DPP6: variants seen among roughly 807,000 people sequenced by gnomAD.
DPP6 encodes the protein A-type potassium channel modulatory protein DPP6.
A neutral mutation model predicts 122.6 loss-of-function variants in DPP6; 69 were observed. That is an observed-to-expected ratio of 0.56 (90% confidence interval 0.46 to 0.69). The LOEUF (loss-of-function observed/expected upper bound fraction) is 0.69. DPP6 is among the 30% of genes least tolerant of loss of function. DPP6 has a pLI of 0.00. For missense variants in DPP6, 928 were observed against 1,116.9 expected (o/e 0.83, Z 2.41); for synonymous variants, 418 against 433.1 (o/e 0.97, Z 0.43).
intron 1 of DPP6, among the ~76,000 whole-genome samples, chr7:154,063,508 C>G (rs1227890708): frequency 7.7e-6 from 1 of 129,064 alleles, no homozygotes; most frequent in Admixed American, 8.0e-5. Context: ...GCTCTTAAGA[C>G]CCCCATCGCA....
Position 154,261,995 on chromosome 7 carries a change from G to A in DPP6, c.244-184219G>A, listed in dbSNP as rs79368383. Among the ~76,000 whole-genome samples the A allele has an allele frequency of 9.5e-3, 1,382 of 144,800 alleles. 29 individuals are homozygous for A. The highest frequency in any genetic ancestry group is 0.038 in the African/African-American group (1,310 of 34,882). 95.0% of individuals were successfully genotyped at this position (144,800 alleles called of 152,430 possible). ...CTGGGTGGTGGATGTAAGCAGGGAAGGAAGGAAGGAAGGGAGGGAGAGAGG... is the reference window on the plus strand; with the variant it reads ...CTGGGTGGTGGATGTAAGCAGGGAAAGAAGGAAGGAAGGGAGGGAGAGAGG... On this transcript the variant is annotated intron_variant, in intron 1 of 25. Transcript: ENST00000377770.
Position 154,279,974 on chromosome 7 carries a change from G to A in DPP6, c.244-166240G>A, listed in dbSNP as rs192374726. ...AATTACAATGCTGATATCCTATTCAGGGCTTATTAGGATATAACTTGAAGT... is the reference window on the plus strand; with the variant it reads ...AATTACAATGCTGATATCCTATTCAAGGCTTATTAGGATATAACTTGAAGT... On this transcript the variant is annotated intron_variant, in intron 1 of 25. Coordinates refer to ENST00000377770, the MANE Select transcript of DPP6 (RefSeq NM_130797.4). 1.5e-3 allele frequency among the ~76,000 whole-genome samples: 228 copies of A among 152,248 alleles called. 3 individuals carry two copies. Among genetic ancestry groups the A allele is most frequent in the African/African-American group, 5.2e-3 (215 of 41,526 alleles).
chr7:154,444,270 A>G (rs1819665399), intron 1 of DPP6, among the ~76,000 whole-genome samples: 1 of 151,948 alleles, frequency 6.6e-6, no homozygotes, highest in Admixed American at 6.6e-5. Context: ...ATTCTGGCTA[A>G]CATGGTGAAA....
chr7:154,089,339 TGCCTCAGATGGAG>T (rs71780004), intron 1 of DPP6, among the ~76,000 whole-genome samples: 28,934 of 142,328 alleles, frequency 0.2, 3,578 homozygotes, highest in African/African-American at 0.33. Flanking sequence ...AGGGCATTTC[TGCCTCAGATGGAG>T]GTAGTGAGGT....
the DPP6 span, among the ~76,000 whole-genome samples, chr7:153,843,867 C>A: frequency 6.6e-6 from 1 of 152,162 alleles, no homozygotes; most frequent in African/African-American, 2.4e-5. Flanking sequence ...TGAAGCTAGA[C>A]AACCGGTCAG....
chr7:154,864,910 T>C (rs903183894), intron 17 of DPP6, among the ~76,000 whole-genome samples: 5 of 152,210 alleles, frequency 3.3e-5, no homozygotes, highest in Admixed American at 6.5e-5. Flanking sequence ...TTCCGTTAGC[T>C]CTAGGCAAGC....
chr7:153,763,509 T>C, the DPP6 span, among the ~76,000 whole-genome samples: 1 of 151,734 alleles, frequency 6.6e-6, no homozygotes, highest in Admixed American at 6.6e-5. Context: ...AAATAGAGGG[T>C]ATCTATGAGG....
chr7:154,677,995 CAGGGAT>C (rs1563094072), intron 7 of DPP6, among the ~76,000 whole-genome samples: 1 of 152,176 alleles, frequency 6.6e-6, no homozygotes, highest in Non-Finnish European at 1.5e-5. Flanking sequence ...TTTGTAAACG[CAGGGAT>C]CAGCACTCTG....
At chr7:154,778,288 A>T (rs754642512) in intron 10 of DPP6, among the ~76,000 whole-genome samples, 49 of 151,832 alleles carry the variant, frequency 3.2e-4, no homozygotes, top group Non-Finnish European at 6.0e-4. Flanking sequence ...TATTTGACCA[A>T]CCCACGGTTT....
At chr7:154,838,674 G>A (rs553664869) in intron 16 of DPP6, 16 of 152,378 alleles carry the variant, frequency 1.1e-4, no homozygotes, top group East Asian at 9.6e-4. Flanking sequence ...CCCTAAGGAC[G>A]CACGTGCAAG....
intron 3 of DPP6, among the ~76,000 whole-genome samples, chr7:154,477,018 G>T (rs188346914): frequency 1.8e-3 from 271 of 152,082 alleles, no homozygotes; most frequent in African/African-American, 6.1e-3. Context: ...GGTCCAGGCT[G>T]CGGTTAACTG....
intron 5 of DPP6, among the ~76,000 whole-genome samples, chr7:154,627,189 CTTTTT>C (rs61163075): frequency 0.16 from 16,475 of 103,258 alleles, 1,316 homozygotes; most frequent in African/African-American, 0.27. Flanking sequence ...ATTTTTTTTC[CTTTTT>C]TTTTTTTTTT....
intron 4 of DPP6, among the ~76,000 whole-genome samples, chr7:154,550,748 CT>C (rs35197365): frequency 0.045 from 5,666 of 126,772 alleles, 91 homozygotes; most frequent in East Asian, 0.12. Flanking sequence ...AATTTTAGTT[CT>C]TTTTTTTTTT....
intron 10 of DPP6, among the ~76,000 whole-genome samples, chr7:154,781,630 C>T (rs111754978): frequency 1.3e-5 from 2 of 152,172 alleles, no homozygotes; most frequent in African/African-American, 2.4e-5. Flanking sequence ...AGTAGAGCAG[C>T]GCTTGGTATT....
At position 154,708,660 on chromosome 7, in the gene DPP6, T is replaced by TA. The variant is rs534257941; in HGVS notation, c.763-19100dup. 3.0e-4 allele frequency among the ~76,000 whole-genome samples: 45 copies of TA among 152,214 alleles called. No homozygotes were observed. In the South Asian group the frequency reaches 9.1e-3, roughly 31 times the overall value. ...TGCACACAATAGTATTTTATTACGA[T>TA]AAAAAAACCAAAAGACTGTATGTCA... On this transcript the variant is annotated intron_variant, in intron 7 of 25. Transcript: ENST00000377770.
intron 10 of DPP6, among the ~76,000 whole-genome samples, chr7:154,782,138 G>A (rs1410374069): frequency 2.0e-5 from 3 of 152,086 alleles, no homozygotes; most frequent in Non-Finnish European, 4.4e-5. Flanking sequence ...TGCACCGTCC[G>A]CACCTAGAAC....
intron 11 of DPP6, 43 bp from the exon 12 acceptor site, chr7:154,795,800 AAG>A: frequency 4.2e-6 from 3 of 708,660 alleles, no homozygotes; most frequent in Non-Finnish European, 5.3e-6. Flanking sequence ...AAAAAAAGAA[AAG>A]AAAAGAAAAA....
At chr7:153,818,834 C>T in the DPP6 span, among the ~76,000 whole-genome samples, 1 of 151,966 alleles carries the variant, frequency 6.6e-6, no homozygotes, top group Non-Finnish European at 1.5e-5. Flanking sequence ...TCACTGCAAC[C>T]TCTGCCTCCC....
chr7:154,094,803 C>T (rs1164599380), intron 1 of DPP6: 1 of 152,196 alleles, frequency 6.6e-6, no homozygotes, highest in Non-Finnish European at 1.5e-5. Context: ...GTTGGCAGGC[C>T]TCGCTGCTGA....
Sources: gnomAD v4.1 joint callset for allele counts (sites outside exome capture counted in the v4.1 genomes callset) on GRCh38, gnomAD v4.1.1 for gene constraint, MANE v1.5 for transcripts, NCBI Gene and HGNC (gene_info 2026-07-23, HGNC 2026-07-21) for gene names.